RASEF: variants seen among roughly 807,000 people sequenced by gnomAD.
RASEF encodes the protein RAS and EF-hand domain containing.
A neutral mutation model predicts 90.1 loss-of-function variants in RASEF; 68 were observed. That is an observed-to-expected ratio of 0.75 (90% CI 0.62 to 0.92). RASEF has a LOEUF of 0.92. Ranked by LOEUF, RASEF falls within the 40% of genes least tolerant of loss-of-function variation. RASEF has a pLI of 0.00. For synonymous variants in RASEF, 331 were observed against 345.2 expected (o/e 0.96, Z 0.46); for missense variants, 949 against 937.2 (o/e 1.01, Z -0.16).
chr9:83,023,978 C>T (rs973685476), intron 2 of RASEF, among the ~76,000 whole-genome samples: 4 of 152,178 alleles, frequency 2.6e-5, no homozygotes, highest in Non-Finnish European at 5.9e-5. Context: ...AATGTCTGCC[C>T]ACTGTGACCT....
rs1425898342 is a variant in RASEF at position 82,990,408 on chromosome 9, A to C, written c.2100T>G (p.Ala700=). Reference sequence around the variant, plus strand: ...AACTTTACCGAGCAAGGTGCAGAACAGCCTCCACTATGTTAGAACCATCTT... The same window carrying C: ...AACTTTACCGAGCAAGGTGCAGAACCGCCTCCACTATGTTAGAACCATCTT... The part of the protein sequence containing the change: ...SAKDGSNIVE[A]VLHLAREVKK... The change falls in exon 16 of 17, where the codon GCT becomes GCG. Residue 700 remains alanine, a synonymous_variant. Coordinates refer to ENST00000376447, the MANE Select transcript of RASEF (RefSeq NM_152573.4). The C allele has an allele frequency of 1.2e-6, 2 of 1,613,586 alleles. No homozygotes were observed. Among genetic ancestry groups the C allele is most frequent in the African/African-American group, 2.7e-5 (2 of 74,922 alleles).
the RASEF span, among the ~76,000 whole-genome samples, chr9:83,071,406 T>C: frequency 6.6e-6 from 1 of 152,104 alleles, no homozygotes; most frequent in Non-Finnish European, 1.5e-5. Flanking sequence ...TCATTCTGTT[T>C]CTGTTTTTTT....
chr9:83,058,244 G>C (rs1175249777), intron 1 of RASEF, among the ~76,000 whole-genome samples: 1 of 138,414 alleles, frequency 7.2e-6, no homozygotes, highest in African/African-American at 2.7e-5. Context: ...GTGCAGTGGC[G>C]CGATCTCGGC....
the RASEF span, among the ~76,000 whole-genome samples, chr9:83,147,340 A>T: frequency 6.6e-6 from 1 of 152,204 alleles, no homozygotes. Flanking sequence ...TCATTTCTGC[A>T]ATAAATCTTG....
chr9:83,017,499 C>A (rs1378813865), intron 3 of RASEF, among the ~76,000 whole-genome samples: 13 of 144,660 alleles, frequency 9.0e-5, no homozygotes, highest in South Asian at 2.2e-4. Context: ...GACTCTGTCT[C>A]AAAAAAAAAA....
chr9:82,987,200 C>T (rs1828724698), intron 16 of RASEF, among the ~76,000 whole-genome samples: 1 of 152,138 alleles, frequency 6.6e-6, no homozygotes. Flanking sequence ...GGGTTGAGTA[C>T]TTTGAAAAGC....
At chr9:83,191,193 T>C in the RASEF span, among the ~76,000 whole-genome samples, 3 of 152,152 alleles carry the variant, frequency 2.0e-5, no homozygotes, top group African/African-American at 7.2e-5. Context: ...CCACATTCAA[T>C]TCAAAGAAAG....
chr9:83,024,086 G>A (rs765603604), intron 2 of RASEF, among the ~76,000 whole-genome samples: 55 of 152,174 alleles, frequency 3.6e-4, no homozygotes, highest in African/African-American at 9.4e-4. Context: ...TAGCAGTGAG[G>A]ATGGATGGCT....
the RASEF span, among the ~76,000 whole-genome samples, chr9:83,107,499 T>C: frequency 2.0e-5 from 3 of 152,130 alleles, no homozygotes; most frequent in Admixed American, 2.0e-4. Context: ...AAAACCTCTG[T>C]TTTCTATTTC....
chr9:83,054,938 C>A (rs1830075602), intron 1 of RASEF: 1 of 149,122 alleles, frequency 6.7e-6, no homozygotes, highest in Admixed American at 6.6e-5. Context: ...AGAACCACTG[C>A]TCTCTTCAAA....
chr9:83,180,454 C>T, the RASEF span, among the ~76,000 whole-genome samples: 1 of 151,384 alleles, frequency 6.6e-6, no homozygotes, highest in African/African-American at 2.4e-5. Context: ...TGGGGAAGCT[C>T]CTAGAGAACT....
chr9:83,126,260 A>G, the RASEF span, among the ~76,000 whole-genome samples: 1 of 152,122 alleles, frequency 6.6e-6, no homozygotes, highest in Non-Finnish European at 1.5e-5. Flanking sequence ...TGATAGGATT[A>G]GTGCTCCTGT....
At chr9:83,070,913 C>A in the RASEF span, among the ~76,000 whole-genome samples, 1 of 152,162 alleles carries the variant, frequency 6.6e-6, no homozygotes, top group African/African-American at 2.4e-5. Context: ...TAATTTCAAT[C>A]TCCAATTGTT....
chr9:83,202,268 G>A, the RASEF span, among the ~76,000 whole-genome samples: 5 of 152,276 alleles, frequency 3.3e-5, no homozygotes, highest in Admixed American at 3.3e-4. Context: ...AGGAAAATTG[G>A]CTAAAAGACA....
the RASEF span, among the ~76,000 whole-genome samples, chr9:83,081,073 A>G: frequency 6.6e-6 from 1 of 152,104 alleles, no homozygotes; most frequent in Non-Finnish European, 1.5e-5. Flanking sequence ...AGCTCACTTC[A>G]TGCCCACGAT....
rs150560579 is a variant in RASEF at position 82,993,036 on chromosome 9, GA to G, written c.1921-12del. Reference sequence around the variant, plus strand: ...CTCATGGGCTGCATCCTACCAGGAAGAAAAAAAAAATGGGGCACACATCAAA... The same window carrying G: ...CTCATGGGCTGCATCCTACCAGGAAGAAAAAAAAATGGGGCACACATCAAA... On this transcript the variant is annotated splice_polypyrimidine_tract_variant and intron_variant, in intron 14 of 16. Coordinates refer to ENST00000376447, the MANE Select transcript of RASEF (RefSeq NM_152573.4). The G allele has an allele frequency of 0.019, 26,872 of 1,427,370 alleles. 263 individuals are homozygous for G. The highest frequency in any genetic ancestry group is 0.036 in the South Asian group (2,763 of 75,768). 88.4% of individuals were successfully genotyped at this position (1,427,370 alleles called of 1,614,324 possible).
chr9:83,158,580 TTATATGTA>T, the RASEF span, among the ~76,000 whole-genome samples: 2 of 143,624 alleles, frequency 1.4e-5, no homozygotes, highest in African/African-American at 5.2e-5. Context: ...GTATATATGT[TTATATGTA>T]TATATGTCCA....
At chr9:83,108,806 T>C in the RASEF span, among the ~76,000 whole-genome samples, 11 of 152,198 alleles carry the variant, frequency 7.2e-5, no homozygotes, top group African/African-American at 1.9e-4. Flanking sequence ...GAACTACTCA[T>C]GGTGACAGCC....
chr9:83,103,588 C>T, the RASEF span, among the ~76,000 whole-genome samples: 377 of 152,068 alleles, frequency 2.5e-3, 3 homozygotes, highest in African/African-American at 8.8e-3. Flanking sequence ...TTTGAGTATT[C>T]ATGAATGTTT....
Sources: gnomAD v4.1 joint callset for allele counts (sites outside exome capture counted in the v4.1 genomes callset) on GRCh38, gnomAD v4.1.1 for gene constraint, MANE v1.5 for transcripts, NCBI Gene and HGNC (gene_info 2026-07-23, HGNC 2026-07-21) for gene names.